Variants in ARHGAP22 observed in about 807,000 individuals in gnomAD.
The protein encoded by ARHGAP22 is Rho GTPase activating protein 22.
ARHGAP22 carries 48 observed loss-of-function variants against 59.1 expected under a neutral mutation model. That is an observed-to-expected ratio of 0.81 (90% confidence interval 0.64 to 1.03). ARHGAP22 has a LOEUF of 1.03. ARHGAP22 is among the 50% of genes least tolerant of loss of function. The pLI, the probability that ARHGAP22 is intolerant of heterozygous loss-of-function variation, is 0.00. For missense variants in ARHGAP22, 1,015 were observed against 958.7 expected (o/e 1.06, Z -0.78); for synonymous variants, 445 against 416.4 (o/e 1.07, Z -0.84).
chr10:48,562,755 C>T (rs2057770713), intron 2 of ARHGAP22, among the ~76,000 whole-genome samples: 1 of 152,200 alleles, frequency 6.6e-6, no homozygotes, highest in South Asian at 2.1e-4. Context: ...ACTTACCAAA[C>T]TGTGCCCATG....
chr10:48,645,949 T>C (rs566834219), intron 1 of ARHGAP22, among the ~76,000 whole-genome samples: 1 of 152,202 alleles, frequency 6.6e-6, no homozygotes, highest in South Asian at 2.1e-4. Context: ...GTTTGGAAAA[T>C]TATCACAAGA....
chr10:48,518,450 T>C (rs768029781), intron 3 of ARHGAP22, among the ~76,000 whole-genome samples: 1 of 152,162 alleles, frequency 6.6e-6, no homozygotes, highest in Non-Finnish European at 1.5e-5. Flanking sequence ...AAATACATAA[T>C]GGCAAGTGAG....
exon 1 of ARHGAP22, chr10:48,652,464 T>C: frequency 1.6e-6 from 1 of 623,484 alleles, no homozygotes; most frequent in Non-Finnish European, 2.8e-6. Flanking sequence ...GCAAGAAGCC[T>C]CGCTGTGAAG....
intron 2 of ARHGAP22, among the ~76,000 whole-genome samples, chr10:48,581,436 C>T (rs1020439118): frequency 6.6e-6 from 1 of 152,238 alleles, no homozygotes; most frequent in African/African-American, 2.4e-5. Flanking sequence ...AGCTAGCATG[C>T]TAGGTCTCAT....
chr10:48,589,644 T>C (rs1430676162), intron 1 of ARHGAP22, among the ~76,000 whole-genome samples: 5 of 152,194 alleles, frequency 3.3e-5, no homozygotes, highest in Admixed American at 6.5e-5. Flanking sequence ...CCCCGTCAAG[T>C]CCTACAGTCC....
rs374771591 is a variant in ARHGAP22, at chr10:48,636,262, A to G, written c.52+15972T>C. On this transcript the variant is annotated intron_variant, in intron 1 of 9. Transcript: ENST00000435790. ...ATAAAGGCATGTTAGCTGTGGGGAC[A>G]CTGCATGAAGGAGACATTCAGGGTG... Among the ~76,000 whole-genome samples the G allele has an allele frequency of 1.7e-3, 266 of 152,314 alleles. 1 individual carries two copies. The highest frequency in any genetic ancestry group is 6.0e-3 in the African/African-American group (250 of 41,560).
intron 3 of ARHGAP22, among the ~76,000 whole-genome samples, chr10:48,538,792 T>A (rs2055618348): frequency 6.6e-6 from 1 of 152,196 alleles, no homozygotes; most frequent in Non-Finnish European, 1.5e-5. Flanking sequence ...ATCTTCACTC[T>A]GCTTCAGAGA....
chr10:48,638,769 G>A (rs757492241), intron 1 of ARHGAP22, among the ~76,000 whole-genome samples: 22 of 152,112 alleles, frequency 1.4e-4, no homozygotes, highest in Non-Finnish European at 2.8e-4. Context: ...CCTAATTCTA[G>A]TGGTGCTTAA....
At chr10:48,618,648 C>T (rs1393984330) in intron 1 of ARHGAP22, among the ~76,000 whole-genome samples, 1 of 152,014 alleles carries the variant, frequency 6.6e-6, no homozygotes, top group Non-Finnish European at 1.5e-5. Flanking sequence ...TTCAACATCC[C>T]TTCATGATAA....
rs2049058974 is a variant in ARHGAP22, at chr10:48,479,443, G to T, written c.451+193C>A. 3 of 942,420 alleles carry T rather than the reference G, an allele frequency of 3.2e-6. No homozygotes were observed. In the African/African-American group the frequency reaches 5.0e-5, roughly 16 times the overall value. 58.4% of individuals were successfully genotyped at this position (942,420 alleles called of 1,614,324 possible). A position where few individuals can be genotyped will look rare whatever the true frequency, so the allele number is the denominator to read the frequency against. On this transcript the variant is annotated intron_variant, in intron 4 of 9. Coordinates refer to ENST00000249601, the MANE Select transcript of ARHGAP22 (RefSeq NM_021226.4). ...CTAATACACAGTTTTCAATAAAGGA[G>T]GAAGTGAGTACACGGCAGCCGTTGG...
chr10:48,532,432 T>C (rs1009466350), intron 3 of ARHGAP22: 4 of 151,994 alleles, frequency 2.6e-5, no homozygotes, highest in Non-Finnish European at 5.9e-5. Flanking sequence ...CCCACAGACA[T>C]TGGAATTGGA....
intron 1 of ARHGAP22, among the ~76,000 whole-genome samples, chr10:48,615,177 C>T (rs2061032709): frequency 6.6e-6 from 1 of 152,136 alleles, no homozygotes; most frequent in African/African-American, 2.4e-5. Context: ...AACCTAAGGC[C>T]AACCTCTAGA....
At chr10:48,578,704 G>A (rs1467073858) in intron 2 of ARHGAP22, among the ~76,000 whole-genome samples, 3 of 151,016 alleles carry the variant, frequency 2.0e-5, no homozygotes, top group Non-Finnish European at 4.4e-5. Flanking sequence ...TTTTTAAAGA[G>A]AAACAATGAG....
chr10:48,547,838 G>T (rs1590097319), intron 3 of ARHGAP22, among the ~76,000 whole-genome samples: 1 of 152,330 alleles, frequency 6.6e-6, no homozygotes, highest in East Asian at 1.9e-4. Context: ...CTTGGAAAGG[G>T]CAAGGCCAAT....
the ARHGAP22 span, chr10:48,435,167 A>AT: frequency 4.2e-5 from 25 of 599,214 alleles, no homozygotes; most frequent in Admixed American, 2.2e-4. Context: ...AAAGTAGTTT[A>AT]TTTTTTTTAA....
intron 3 of ARHGAP22, among the ~76,000 whole-genome samples, chr10:48,480,407 G>A (rs2049180859): frequency 6.6e-6 from 1 of 152,234 alleles, no homozygotes; most frequent in African/African-American, 2.4e-5. Flanking sequence ...TCATGTGTAA[G>A]CAAATTGATC....
intron 5 of ARHGAP22, among the ~76,000 whole-genome samples, chr10:48,456,622 C>T (rs1241355921): frequency 6.6e-6 from 1 of 152,132 alleles, no homozygotes; most frequent in South Asian, 2.1e-4. Flanking sequence ...GGTTGGCAGC[C>T]AGCCCGTATG....
intron 3 of ARHGAP22, among the ~76,000 whole-genome samples, chr10:48,487,500 T>A (rs1369558367): frequency 6.6e-6 from 1 of 152,076 alleles, no homozygotes; most frequent in African/African-American, 2.4e-5. Context: ...GAGAGAGATG[T>A]GTCTACAGCA....
At chr10:48,443,303 A>T (rs898551425), downstream of ARHGAP22, among the ~76,000 whole-genome samples, 1 of 152,118 alleles carries the variant, frequency 6.6e-6, no homozygotes, top group African/African-American at 2.4e-5. Context: ...TAAAGCTCTC[A>T]AATGCTTTCC....
Sources: allele counts gnomAD v4.1 joint callset (sites outside exome capture counted in the v4.1 genomes callset), GRCh38; gene constraint gnomAD v4.1.1; transcripts MANE v1.5; gene names NCBI Gene and HGNC (gene_info 2026-07-23, HGNC 2026-07-21).